NUDC: variants seen among roughly 807,000 people sequenced by gnomAD.
The protein encoded by NUDC is nuclear migration protein nudC.
In NUDC, 14 loss-of-function variants were observed where a neutral mutation model predicts 45.0. The observed-to-expected ratio is 0.31, with a 90% CI of 0.21 to 0.49. NUDC has a LOEUF of 0.49. Ranked by LOEUF, NUDC falls within the 20% of genes least tolerant of loss-of-function variation. The probability of loss-of-function intolerance (pLI) is 0.99; values close to 1 mark genes in which losing one functional copy is unlikely to be tolerated. For synonymous variants in NUDC, 153 were observed against 156.7 expected (o/e 0.98, Z 0.17); for missense variants, 323 against 426.2 (o/e 0.76, Z 2.13).
chr1:26,900,375 A>G, exon 1 of NUDC: 1 of 1,613,964 alleles, frequency 6.2e-7, no homozygotes, highest in Non-Finnish European at 8.5e-7. Context: ...CGAGCGCAAC[A>G]CGGAGGGGAT....
chr1:26,942,276 G>A (rs754180594), intron 4 of NUDC, among the ~76,000 whole-genome samples: 1 of 152,122 alleles, frequency 6.6e-6, no homozygotes, highest in African/African-American at 2.4e-5. Context: ...GGGCGACAGA[G>A]CAAGACTCCG....
intron 1 of NUDC, 127 bp downstream of exon 1, chr1:26,922,056 C>T (rs1218445961): frequency 2.2e-5 from 21 of 962,000 alleles, no homozygotes; most frequent in Non-Finnish European, 3.3e-5. Context: ...TACATTCTCA[C>T]TGCGCCCAGC....
intron 2 of NUDC, among the ~76,000 whole-genome samples, chr1:26,903,175 A>T (rs1407790056): frequency 6.6e-6 from 1 of 152,234 alleles, no homozygotes; most frequent in Non-Finnish European, 1.5e-5. Flanking sequence ...TTTTTGTACT[A>T]ATAATCTCAG....
intron 3 of NUDC, among the ~76,000 whole-genome samples, chr1:26,913,242 G>A (rs1206141669): frequency 2.6e-5 from 4 of 152,034 alleles, no homozygotes; most frequent in South Asian, 2.1e-4. Context: ...AGCCAAGATC[G>A]CACCACTGCA....
chr1:26,906,905 T>C (rs1346032615), intron 2 of NUDC, among the ~76,000 whole-genome samples: 1 of 152,036 alleles, frequency 6.6e-6, no homozygotes, highest in African/African-American at 2.4e-5. Flanking sequence ...GTGGTTATAG[T>C]TTAGTAGCTA....
At chr1:26,919,869 A>T (rs971951537), upstream of NUDC, among the ~76,000 whole-genome samples, 2 of 152,222 alleles carry the variant, frequency 1.3e-5, no homozygotes, top group Non-Finnish European at 2.9e-5. Context: ...AAAGAAAAAA[A>T]AATATGTATT....
At chr1:26,935,579 A>G (rs1004349031) in intron 2 of NUDC, among the ~76,000 whole-genome samples, 18 of 152,056 alleles carry the variant, frequency 1.2e-4, no homozygotes, top group African/African-American at 4.3e-4. Flanking sequence ...GCATGGGGGT[A>G]GCCACCCCCA....
chr1:26,944,861 G>A (rs2082306246), intron 6 of NUDC, among the ~76,000 whole-genome samples: 2 of 152,060 alleles, frequency 1.3e-5, no homozygotes, highest in South Asian at 2.1e-4. Flanking sequence ...GCCCAATATG[G>A]TGAAGCCCCG....
chr1:26,925,790 C>G (rs1212446319), intron 2 of NUDC, among the ~76,000 whole-genome samples: 1 of 145,908 alleles, frequency 6.9e-6, no homozygotes, highest in Non-Finnish European at 1.5e-5. Context: ...GGCACGATCT[C>G]AGCTCACCAC....
chr1:26,940,931 A>T (rs146157162), intron 2 of NUDC, among the ~76,000 whole-genome samples: 4,287 of 143,538 alleles, frequency 0.03, 186 homozygotes, highest in African/African-American at 0.1. Context: ...TATTATTATT[A>T]TTTTTTTTTG....
intron 2 of NUDC, among the ~76,000 whole-genome samples, chr1:26,929,393 C>G (rs1406548951): frequency 2.7e-5 from 4 of 146,764 alleles, no homozygotes; most frequent in Non-Finnish European, 6.0e-5. Flanking sequence ...GGCAACATAG[C>G]AAGACCCCTT....
At chr1:26,942,011 C>G (rs960412201) in intron 4 of NUDC, among the ~76,000 whole-genome samples, 193 bp downstream of exon 4, 1 of 152,080 alleles carries the variant, frequency 6.6e-6, no homozygotes, top group Non-Finnish European at 1.5e-5. Flanking sequence ...AAATAAAAAC[C>G]TGCCAGGCGC....
intron 2 of NUDC, among the ~76,000 whole-genome samples, chr1:26,931,755 G>T (rs1403815545): frequency 6.7e-6 from 1 of 149,382 alleles, no homozygotes; most frequent in Non-Finnish European, 1.5e-5. Flanking sequence ...CCAGCCTGGC[G>T]ACAGAACGAG....
At chr1:26,941,891 T>G (rs2082280763) in intron 4 of NUDC, 73 bp downstream of exon 4, 1 of 1,411,924 alleles carries the variant, frequency 7.1e-7, no homozygotes, top group South Asian at 1.2e-5. Flanking sequence ...CCTACTGCTT[T>G]CTCTGGAATA....
chr1:26,912,822 C>T (rs2082036497), intron 3 of NUDC, among the ~76,000 whole-genome samples: 1 of 152,216 alleles, frequency 6.6e-6, no homozygotes, highest in Non-Finnish European at 1.5e-5. Context: ...CACCTCCCCA[C>T]AGCCTTCTGT....
chr1:26,921,977 C>T (rs575483587), intron 1 of NUDC, 48 bp downstream of exon 1: 73 of 1,526,678 alleles, frequency 4.8e-5, no homozygotes, highest in South Asian at 1.1e-4. Context: ...TGGCCACGCT[C>T]CTTCCGCCCT....
intron 1 of NUDC, among the ~76,000 whole-genome samples, chr1:26,901,397 C>CTTTTTTTTT (rs34988488): frequency 3.2e-3 from 232 of 73,592 alleles, no homozygotes; most frequent in Non-Finnish European, 3.8e-3. Context: ...GCCTTTTTGT[C>CTTTTTTTTT]TTTTTTTTTT....
At chr1:26,943,106 A>G (rs1339913123) in intron 6 of NUDC, 41 bp downstream of exon 6, 1 of 1,602,398 alleles carries the variant, frequency 6.2e-7, no homozygotes, top group Admixed American at 1.7e-5. Flanking sequence ...GTGTTGATGG[A>G]AGTAGAAGGG....
intron 2 of NUDC, among the ~76,000 whole-genome samples, chr1:26,928,134 A>G (rs1440022634): frequency 1.3e-5 from 2 of 152,234 alleles, no homozygotes; most frequent in African/African-American, 4.8e-5. Flanking sequence ...CCAGTGAAGC[A>G]GAATAGAGAA....
Sources: gnomAD v4.1 joint callset for allele counts (sites outside exome capture counted in the v4.1 genomes callset) on GRCh38, gnomAD v4.1.1 for gene constraint, MANE v1.5 for transcripts, NCBI Gene and HGNC (gene_info 2026-07-23, HGNC 2026-07-21) for gene names.